Variants in UBXN11 observed in about 807,000 individuals in gnomAD.
UBXN11 encodes the protein UBX domain protein 11, also known as UBX domain-containing protein 11.
In UBXN11, 47 loss-of-function variants were observed where a neutral mutation model predicts 62.8. The ratio of observed to expected loss-of-function variants is 0.75; its 90% CI spans 0.59 to 0.95. UBXN11 has a LOEUF of 0.95. UBXN11 is among the 40% of genes least tolerant of loss of function. UBXN11 has a pLI of 0.00. For missense variants in UBXN11, 638 were observed against 661.7 expected (o/e 0.96, Z 0.39); for synonymous variants, 294 against 267.0 (o/e 1.10, Z -0.99).
Position 26,282,910 on chromosome 1 carries a change from G to A in UBXN11, c.1105C>T (p.Gln369Ter). Residue 369 changes from glutamine (Q) to a stop codon, truncating the protein, a stop_gained, in exon 13 of 15, where the codon CAG becomes TAG. Coordinates refer to ENST00000374222, the MANE Select transcript of UBXN11 (RefSeq NM_001389556.1). LOFTEE classifies it high-confidence loss of function. The part of the protein sequence containing the change: ...QNCCPLPARI[Q>*]EIVVETPTLA... ...GTGGGCGTCTCCACCACAATCTCCT[G>A]GATCCGGGCAGGCAATGGGCAGCAG... The A allele has an allele frequency of 1.2e-6, 2 of 1,614,198 alleles. No individual in the cohort carries two copies. The highest frequency in any genetic ancestry group is 2.2e-5 in the South Asian group (2 of 91,082).
chr1:26,317,080 A>T lies in UBXN11; in HGVS notation c.-149+967T>A, dbSNP rs867078008. Among the ~76,000 whole-genome samples, 1,202 of 151,826 alleles carry T rather than the reference A, an allele frequency of 7.9e-3. 12 individuals carry two copies. The highest frequency in any genetic ancestry group is 0.026 in the African/African-American group (1,084 of 41,408). Reference sequence around the variant, plus strand: ...CCAGTCTCCGCTAAAAAAAAAAAAAAAATACAAAAAATTAGCCAGGCATGG... The same window carrying T: ...CCAGTCTCCGCTAAAAAAAAAAAAATAATACAAAAAATTAGCCAGGCATGG... On this transcript the variant is annotated intron_variant, in intron 1 of 14. Coordinates refer to the UBXN11 transcript ENST00000374217.
chr1:26,314,832 T>C (rs1178931875), intron 1 of UBXN11, among the ~76,000 whole-genome samples: 1 of 152,180 alleles, frequency 6.6e-6, no homozygotes, highest in South Asian at 2.1e-4. Context: ...AAGTGGAAAG[T>C]TTCCCTGGGG....
chr1:26,301,069 A>G, intron 3 of UBXN11, 45 bp from the exon 4 acceptor site: 3 of 1,613,506 alleles, frequency 1.9e-6, no homozygotes, highest in South Asian at 1.1e-5. Flanking sequence ...GCGGAGACCC[A>G]GAGGAAACTC....
chr1:26,283,718 G>C (rs1021847937), intron 12 of UBXN11, among the ~76,000 whole-genome samples: 1 of 152,212 alleles, frequency 6.6e-6, no homozygotes, highest in Non-Finnish European at 1.5e-5. Flanking sequence ...GGGAGGCAGA[G>C]GAGGCCTGAG....
At position 26,282,394 on chromosome 1, in the gene UBXN11, CGGG is replaced by C; in HGVS notation, c.1465_1467del (p.Pro489del). On this transcript the variant is annotated inframe_deletion, in exon 15 of 15. Coordinates refer to ENST00000374222, the MANE Select transcript of UBXN11 (RefSeq NM_001389556.1). ...CCGGGACCGGGACTGGGGCCGGGACCGGGACCGGGACAGGGACCAGGACTGAAT... is the reference window on the plus strand; with the variant it reads ...CCGGGACCGGGACTGGGGCCGGGACCACCGGGACAGGGACCAGGACTGAAT... 2.1e-6 allele frequency: 1 copy of C among 473,508 alleles called. No homozygotes were observed. Among genetic ancestry groups the C allele is most frequent in the Non-Finnish European group, 2.8e-6 (1 of 352,196 alleles). 29.3% of individuals were successfully genotyped at this position (473,508 alleles called of 1,614,324 possible).
intron 10 of UBXN11, chr1:26,285,231 G>A (rs1013843594): frequency 1.5e-6 from 2 of 1,309,584 alleles, no homozygotes; most frequent in Non-Finnish European, 2.0e-6. Flanking sequence ...CAGGGGCCCC[G>A]CAGCCGAGGC....
chr1:26,316,954 C>T lies in UBXN11; in HGVS notation c.-149+1093G>A, dbSNP rs139327917. Among the ~76,000 whole-genome samples, 419 of 151,952 alleles carry T rather than the reference C, an allele frequency of 2.8e-3. 2 individuals carry two copies. Among genetic ancestry groups the T allele is most frequent in the African/African-American group, 8.3e-3 (343 of 41,444 alleles). On this transcript the variant is annotated intron_variant, in intron 1 of 14. Transcript: ENST00000374217. ...CACAAAATTCTAGGTCTTGGCTGGGCGCGGTGGCTCATGCCTGTAATCCCA... is the reference window on the plus strand; with the variant it reads ...CACAAAATTCTAGGTCTTGGCTGGGTGCGGTGGCTCATGCCTGTAATCCCA...
rs192968696 is a variant in UBXN11 at position 26,285,011 on chromosome 1, T to C, written c.852+453A>G. On this transcript the variant is annotated intron_variant, in intron 10 of 14. Transcript: ENST00000374222. ...CCACCTTCTAGAACACGAAGCCTCA[T>C]GGGCTCTGGTGGTGGCACCTACCCA... 36 of 1,002,240 alleles carry C rather than the reference T, an allele frequency of 3.6e-5. No homozygotes were observed. The Admixed American group carries it at 9.2e-4, about 25-fold the overall frequency. The allele number at this position is 1,002,240 out of a possible 1,614,324, so 62.1% of individuals were successfully genotyped here. A position where few individuals can be genotyped will look rare whatever the true frequency, so the allele number is the denominator to read the frequency against.
chr1:26,284,073 T>G, intron 12 of UBXN11, 69 bp downstream of exon 12: 9 of 1,462,630 alleles, frequency 6.2e-6, no homozygotes, highest in Non-Finnish European at 8.3e-6. Flanking sequence ...GACACTGTTC[T>G]GGCAGGCTGG....
chr1:26,315,803 G>C (rs1348118228), intron 1 of UBXN11, among the ~76,000 whole-genome samples: 1 of 152,118 alleles, frequency 6.6e-6, no homozygotes, highest in Non-Finnish European at 1.5e-5. Context: ...GGGATTACAG[G>C]CATGTGCCAG....
intron 7 of UBXN11, among the ~76,000 whole-genome samples, chr1:26,295,440 A>T (rs891693554): frequency 6.6e-6 from 1 of 152,160 alleles, no homozygotes; most frequent in Non-Finnish European, 1.5e-5. Flanking sequence ...CCTCTCAAAC[A>T]GAAGCCTTCC....
intron 12 of UBXN11, 64 bp from the exon 13 acceptor site, chr1:26,283,001 T>C (rs1236888598): frequency 6.2e-7 from 1 of 1,600,232 alleles, no homozygotes; most frequent in Admixed American, 1.7e-5. Context: ...CCCACAAACC[T>C]TAGAGGGACA....
chr1:26,289,560 C>A (rs2073209580), intron 8 of UBXN11, among the ~76,000 whole-genome samples: 1 of 152,152 alleles, frequency 6.6e-6, no homozygotes, highest in African/African-American at 2.4e-5. Context: ...GGGTTGGATC[C>A]TGCTTTCCAG....
chr1:26,284,504 G>A (rs199848593), intron 10 of UBXN11, 22 bp from the exon 11 acceptor site: 44 of 1,571,206 alleles, frequency 2.8e-5, no homozygotes, highest in East Asian at 2.0e-4. Context: ...GAAGGGCAAC[G>A]ACGGCAGCGG....
chr1:26,317,824 G>GT (rs2073814353), intron 1 of UBXN11: 1 of 580,236 alleles, frequency 1.7e-6, no homozygotes, highest in South Asian at 2.0e-5. Flanking sequence ...CTAGAGCCTG[G>GT]TATTATCCAC....
chr1:26,310,970 C>A (rs1364606376), upstream of UBXN11, among the ~76,000 whole-genome samples: 1 of 151,960 alleles, frequency 6.6e-6, no homozygotes, highest in Non-Finnish European at 1.5e-5. Context: ...GGTCGCCCAG[C>A]CTCATCTTGA....
At chr1:26,311,535 C>T (rs570002301), upstream of UBXN11, among the ~76,000 whole-genome samples, 11 of 151,874 alleles carry the variant, frequency 7.2e-5, no homozygotes, top group East Asian at 1.9e-4. Flanking sequence ...CTCTGCCTCC[C>T]GGGTTCAAGT....
intron 1 of UBXN11, among the ~76,000 whole-genome samples, chr1:26,316,008 G>C (rs1425476778): frequency 6.9e-6 from 1 of 143,964 alleles, no homozygotes; most frequent in African/African-American, 2.6e-5. Context: ...CACCCTGGCT[G>C]GAGTGCAGTG....
At chr1:26,312,804 C>A (rs1017348560) in intron 1 of UBXN11, among the ~76,000 whole-genome samples, 2 of 150,236 alleles carry the variant, frequency 1.3e-5, no homozygotes, top group East Asian at 2.0e-4. Context: ...ATGGAGAAAC[C>A]CTGTCTCTAC....
Sources: allele counts gnomAD v4.1 joint callset (sites outside exome capture counted in the v4.1 genomes callset), GRCh38; gene constraint gnomAD v4.1.1; transcripts MANE v1.5; gene names NCBI Gene and HGNC (gene_info 2026-07-23, HGNC 2026-07-21).